GATAD2B: variants seen among roughly 807,000 people sequenced by gnomAD.
The protein encoded by GATAD2B is GATA zinc finger domain containing 2B.
In GATAD2B, 8 loss-of-function variants were observed where a neutral mutation model predicts 64.3. That is an observed-to-expected ratio of 0.12 (90% CI 0.07 to 0.22). GATAD2B has a LOEUF of 0.22. GATAD2B is among the 10% of genes least tolerant of loss of function. The pLI, the probability that GATAD2B is intolerant of heterozygous loss-of-function variation, is 1.00. For synonymous variants in GATAD2B, 281 were observed against 271.3 expected (o/e 1.04, Z -0.35); for missense variants, 453 against 752.0 (o/e 0.60, Z 4.65).
chr1:153,810,936 T>C (rs1674271602), intron 10 of GATAD2B, among the ~76,000 whole-genome samples: 1 of 152,140 alleles, frequency 6.6e-6, no homozygotes, highest in Non-Finnish European at 1.5e-5. Context: ...GCTAATTTTT[T>C]GTATTTTCAG....
chr1:153,846,641 A>C (rs530090686), intron 1 of GATAD2B, among the ~76,000 whole-genome samples: 10 of 142,748 alleles, frequency 7.0e-5, no homozygotes, highest in Non-Finnish European at 1.2e-4. Context: ...GGCTCACTGC[A>C]ATCTCCGCCT....
intron 1 of GATAD2B, among the ~76,000 whole-genome samples, chr1:153,851,265 A>T (rs1047459779): frequency 1.3e-5 from 2 of 151,970 alleles, no homozygotes; most frequent in African/African-American, 4.8e-5. Context: ...CCATGTTGTC[A>T]CTCTTTGGGA....
chr1:153,910,980 T>C (rs1207500819), intron 1 of GATAD2B, among the ~76,000 whole-genome samples: 1 of 152,084 alleles, frequency 6.6e-6, no homozygotes, highest in East Asian at 1.9e-4. Flanking sequence ...TATAGTACAA[T>C]AAAAGGTGTT....
intron 2 of GATAD2B, among the ~76,000 whole-genome samples, chr1:153,825,303 T>G (rs1405057135): frequency 1.3e-5 from 2 of 152,212 alleles, no homozygotes; most frequent in Non-Finnish European, 2.9e-5. Flanking sequence ...AATCTAAAAA[T>G]GAACCTACTT....
In GATAD2B at chr1:153,809,506, T is replaced by A. The variant is rs1478241744; in HGVS notation, c.*671A>T. The stretch of plus-strand genomic sequence containing the variant: ...AGAGCCCAACTTCAGTACCAAACAC[T>A]GCCACCCAAATTGTCCAGCCCCCAA... On this transcript the variant is annotated 3_prime_UTR_variant, in exon 11 of 11. Coordinates refer to ENST00000368655, the MANE Select transcript of GATAD2B (RefSeq NM_020699.4). 1 of 152,524 alleles carries A rather than the reference T, an allele frequency of 6.6e-6. No homozygotes were observed. Among genetic ancestry groups the A allele is most frequent in the African/African-American group, 2.4e-5 (1 of 41,380 alleles). The allele number at this position is 152,524 out of a possible 1,614,324, so 9.4% of individuals were successfully genotyped here.
At chr1:153,893,398 G>A (rs1677481876) in intron 1 of GATAD2B, among the ~76,000 whole-genome samples, 3 of 152,102 alleles carry the variant, frequency 2.0e-5, no homozygotes, top group South Asian at 4.1e-4. Context: ...CTTGAGCCCA[G>A]AAGTTTCACA....
chr1:153,906,774 G>A (rs1031362020), intron 1 of GATAD2B, among the ~76,000 whole-genome samples: 3 of 152,050 alleles, frequency 2.0e-5, no homozygotes, highest in Non-Finnish European at 4.4e-5. Flanking sequence ...AATATACAAA[G>A]AACTCCTACA....
chr1:153,823,707 G>A (rs1345451917), intron 2 of GATAD2B, among the ~76,000 whole-genome samples: 9 of 151,246 alleles, frequency 6.0e-5, no homozygotes, highest in African/African-American at 2.2e-4. Context: ...GGAATCTATC[G>A]GTTTTGCTTT....
chr1:153,821,617 A>G (rs1313171238), intron 2 of GATAD2B, among the ~76,000 whole-genome samples: 1 of 151,872 alleles, frequency 6.6e-6, no homozygotes, highest in African/African-American at 2.4e-5. Flanking sequence ...CCCAGGCTGG[A>G]GTGCAATGGC....
At chr1:153,828,574 C>A (rs899557771) in intron 1 of GATAD2B, among the ~76,000 whole-genome samples, 1 of 151,926 alleles carries the variant, frequency 6.6e-6, no homozygotes. Context: ...GGCATTCAAC[C>A]CAGCAATTTA....
chr1:153,841,840 G>A (rs1019332285), intron 1 of GATAD2B, among the ~76,000 whole-genome samples: 2 of 152,208 alleles, frequency 1.3e-5, no homozygotes, highest in Non-Finnish European at 2.9e-5. Flanking sequence ...GTAAGTGAAT[G>A]TTCGGTTTTA....
intron 1 of GATAD2B, among the ~76,000 whole-genome samples, chr1:153,840,096 G>A (rs561853420): frequency 3.5e-4 from 46 of 131,482 alleles, no homozygotes; most frequent in African/African-American, 1.3e-3. Flanking sequence ...GCAATGGCAC[G>A]ATCTTGTCTC....
intron 1 of GATAD2B, among the ~76,000 whole-genome samples, chr1:153,861,421 C>T (rs1005072409): frequency 5.3e-5 from 8 of 150,954 alleles, no homozygotes; most frequent in African/African-American, 1.9e-4. Flanking sequence ...TTTTAAAAAT[C>T]AGAAATATAT....
Position 153,817,436 on chromosome 1 carries a change from G to T in GATAD2B, c.836C>A (p.Pro279Gln). 6.2e-7 allele frequency: 1 copy of T among 1,612,184 alleles called. No individual in the cohort carries two copies. The highest frequency in any genetic ancestry group is 8.5e-7 in the Non-Finnish European group (1 of 1,179,420). The change falls in exon 6 of 11, where the codon CCG (proline) becomes CAG (glutamine). Residue 279 changes from proline to glutamine, a missense_variant. Coordinates refer to ENST00000368655, the MANE Select transcript of GATAD2B (RefSeq NM_020699.4). Reference protein sequence around the residue: ...NPAQLQGQRGPPKPGLVRTTT... With the variant: ...NPAQLQGQRGQPKPGLVRTTT... Reference sequence around the variant, plus strand: ...GGTGCGTACAAGGCCAGGCTTAGGCGGGCCCCGCTGACCCTGTAGCTGGGC... The same window carrying T: ...GGTGCGTACAAGGCCAGGCTTAGGCTGGCCCCGCTGACCCTGTAGCTGGGC...
chr1:153,891,574 T>TTAA (rs1173778741), intron 1 of GATAD2B, among the ~76,000 whole-genome samples: 2 of 19,946 alleles, frequency 1.0e-4, no homozygotes, highest in African/African-American at 1.9e-4. Flanking sequence ...CTGTCTCGTT[T>TTAA]AAAAAAAAAA....
chr1:153,900,032 G>C (rs1408127494), intron 1 of GATAD2B, among the ~76,000 whole-genome samples: 1 of 151,994 alleles, frequency 6.6e-6, no homozygotes, highest in Admixed American at 6.6e-5. Context: ...GGACAGATTA[G>C]GTAAATTAAG....
At chr1:153,889,410 C>T (rs1469554336) in intron 1 of GATAD2B, among the ~76,000 whole-genome samples, 5 of 65,572 alleles carry the variant, frequency 7.6e-5, no homozygotes, top group African/African-American at 1.5e-4. Flanking sequence ...GAAACCCCGT[C>T]TCCAAAAAAA....
chr1:153,894,033 A>G (rs1008621542), intron 1 of GATAD2B, among the ~76,000 whole-genome samples: 1 of 151,830 alleles, frequency 6.6e-6, no homozygotes, highest in African/African-American at 2.4e-5. Flanking sequence ...AACACCACCA[A>G]CATGACTTTA....
chr1:153,852,191 G>A (rs900071305), intron 1 of GATAD2B: 38 of 923,594 alleles, frequency 4.1e-5, no homozygotes, highest in Middle Eastern at 4.7e-4. Context: ...TCAGTCAGTT[G>A]AGGGTGAAAG....
Sources: allele counts gnomAD v4.1 joint callset (sites outside exome capture counted in the v4.1 genomes callset), GRCh38; gene constraint gnomAD v4.1.1; transcripts MANE v1.5; gene names NCBI Gene and HGNC (gene_info 2026-07-23, HGNC 2026-07-21).